The following VAC14 variants were observed in gnomAD, a reference collection of about 807,000 sequenced individuals.
VAC14 encodes the protein VAC14 component of PIKFYVE complex, also known as protein VAC14 homolog.
VAC14 carries 47 observed loss-of-function variants against 85.3 expected under a neutral mutation model. That is an observed-to-expected ratio of 0.55 (90% confidence interval 0.44 to 0.70). The LOEUF is 0.70. Among genes scored for constraint, VAC14 ranks in the 30% least tolerant of loss-of-function variants. The probability of loss-of-function intolerance (pLI) is 0.00; values close to 1 mark genes in which losing one functional copy is unlikely to be tolerated. For synonymous variants in VAC14, 447 were observed against 430.5 expected, an observed-to-expected ratio of 1.04 and a Z score of -0.47; for missense variants, 861 against 1,004.3, an observed-to-expected ratio of 0.86 and a Z score of 1.93.
intron 10 of VAC14, among the ~76,000 whole-genome samples, chr16:70,763,769 G>A (rs1015482426): frequency 6.6e-6 from 1 of 152,222 alleles, no homozygotes; most frequent in Admixed American, 6.5e-5. Flanking sequence ...TGGCTTCTGT[G>A]GACTGAAGTC....
At chr16:70,790,848 A>C (rs2143316284) in intron 1 of VAC14, among the ~76,000 whole-genome samples, 2 of 152,338 alleles carry the variant, frequency 1.3e-5, no homozygotes, top group East Asian at 3.9e-4. Context: ...CCGCCCCTGC[A>C]CTTAAGGGTA....
intron 13 of VAC14, among the ~76,000 whole-genome samples, chr16:70,735,635 A>T (rs560031896): frequency 1.2e-4 from 18 of 152,202 alleles, no homozygotes; most frequent in Non-Finnish European, 1.3e-4. Flanking sequence ...TCTATAAGGG[A>T]TTCCTTACCA....
chr16:70,720,729 A>C (rs1646129565), intron 14 of VAC14, among the ~76,000 whole-genome samples: 1 of 152,242 alleles, frequency 6.6e-6, no homozygotes, highest in South Asian at 2.1e-4. Flanking sequence ...ATCAGGTGGA[A>C]GCAAATGCTC....
At chr16:70,694,115 G>A (rs927753189) in intron 17 of VAC14, among the ~76,000 whole-genome samples, 3 of 152,250 alleles carry the variant, frequency 2.0e-5, no homozygotes, top group Non-Finnish European at 2.9e-5. Flanking sequence ...GGGCTGGGAC[G>A]GTGTTGGGCG....
At chr16:70,761,500 G>C (rs1044029276) in intron 12 of VAC14, among the ~76,000 whole-genome samples, 1 of 152,366 alleles carries the variant, frequency 6.6e-6, no homozygotes, top group South Asian at 2.1e-4. Context: ...CAATGGGCAC[G>C]CGCAGCTGCA....
At chr16:70,737,606 AG>A (rs1202502247) in intron 13 of VAC14, among the ~76,000 whole-genome samples, 18 of 152,178 alleles carry the variant, frequency 1.2e-4, no homozygotes, top group Admixed American at 9.8e-4. Context: ...GCGGCTGGCC[AG>A]GGGCACAGAG....
intron 10 of VAC14, chr16:70,768,669 G>A (rs1294149544): frequency 5.5e-6 from 2 of 361,690 alleles, no homozygotes; most frequent in East Asian, 2.1e-4. Context: ...CTGCTCTCAG[G>A]TTTAGTCAGT....
intron 1 of VAC14, among the ~76,000 whole-genome samples, chr16:70,794,629 C>T (rs2034470072): frequency 6.6e-6 from 1 of 152,218 alleles, no homozygotes; most frequent in Non-Finnish European, 1.5e-5. Context: ...GCCACATCTC[C>T]CAAGTCCGTA....
chr16:70,744,729 G>T, intron 12 of VAC14, 150 bp from the exon 13 acceptor site: 2 of 835,566 alleles, frequency 2.4e-6, no homozygotes, highest in Admixed American at 3.3e-5. Flanking sequence ...TAAGGCCACA[G>T]CTGGGGCATG....
In VAC14 at chr16:70,783,564, G is replaced by A; in HGVS notation, c.595-10C>T. On this transcript the variant is annotated splice_polypyrimidine_tract_variant and intron_variant, in intron 5 of 18. Coordinates refer to ENST00000261776, the MANE Select transcript of VAC14 (RefSeq NM_018052.5). ...ACTCCAGAACCAGGATCTGACCAGG[G>A]GAAGGGAACAGGAGGGGAAGTCAGC... 6.2e-7 allele frequency: 1 copy of A among 1,612,904 alleles called. No homozygotes were observed. Among genetic ancestry groups the A allele is most frequent in the Non-Finnish European group, 8.5e-7 (1 of 1,179,794 alleles).
intron 1 of VAC14, among the ~76,000 whole-genome samples, chr16:70,792,720 G>C (rs1379830200): frequency 1.3e-5 from 2 of 152,192 alleles, no homozygotes; most frequent in African/African-American, 2.4e-5. Flanking sequence ...TGAGCCAAGG[G>C]AGAGCCTGGG....
chr16:70,710,232 C>G (rs2142995296), intron 14 of VAC14, among the ~76,000 whole-genome samples: 1 of 152,360 alleles, frequency 6.6e-6, no homozygotes, highest in Non-Finnish European at 1.5e-5. Context: ...TTCCCATGCT[C>G]TGTGGCATCT....
In VAC14 at chr16:70,780,900, A is replaced by G. The variant is rs760605436; in HGVS notation, c.986T>C (p.Met329Thr). The G allele has an allele frequency of 2.5e-6, 4 of 1,614,120 alleles. No homozygotes were observed. The Admixed American group carries it at 5.0e-5, about 20-fold the overall frequency. Residue 329 changes from methionine (M) to threonine (T), a missense_variant, in exon 9 of 19, where the codon ATG becomes ACG. By Grantham distance (81) the Met-to-Thr change is moderately conservative (BLOSUM62 -1). This residue lies in a region of VAC14 where 629 missense variants were observed against 703.1 expected (regional missense o/e 0.89). Coordinates refer to ENST00000261776, the MANE Select transcript of VAC14 (RefSeq NM_018052.5). ...EVANVCNQSL[M>T]KLVTPEDDEL... ...GTCGTCCTCGGGGGTGACCAGCTTC[A>G]TCAGGCTCTGGTTGCACACGTTGGC...
At chr16:70,730,678 A>G (rs2054565701) in intron 14 of VAC14, among the ~76,000 whole-genome samples, 1 of 146,350 alleles carries the variant, frequency 6.8e-6, no homozygotes, top group Non-Finnish European at 1.5e-5. Flanking sequence ...GCTCACTGCA[A>G]CGTCCACCTC....
At chr16:70,696,868 T>A in intron 16 of VAC14, 1 of 387,810 alleles carries the variant, frequency 2.6e-6, no homozygotes, top group South Asian at 2.4e-5. Flanking sequence ...CCTGCCGGGC[T>A]GGGCCTACTC....
chr16:70,793,260 C>T (rs900264956), intron 1 of VAC14, among the ~76,000 whole-genome samples: 25 of 152,288 alleles, frequency 1.6e-4, no homozygotes, highest in East Asian at 3.9e-4. Flanking sequence ...CTTCTGTGAA[C>T]GCAGGACACA....
intron 7 of VAC14, 45 bp from the exon 8 acceptor site, chr16:70,782,048 C>A: frequency 6.3e-7 from 1 of 1,599,674 alleles, no homozygotes; most frequent in Non-Finnish European, 8.5e-7. Flanking sequence ...CACACGCAGC[C>A]CGAGTGCTCC....
At chr16:70,782,047 C>T (rs779803926) in intron 7 of VAC14, 44 bp from the exon 8 acceptor site, 1 of 1,599,422 alleles carries the variant, frequency 6.3e-7, no homozygotes, top group Admixed American at 1.7e-5. Flanking sequence ...GCACACGCAG[C>T]CCGAGTGCTC....
intron 13 of VAC14, among the ~76,000 whole-genome samples, chr16:70,742,409 C>A (rs1288434191): frequency 2.6e-5 from 4 of 151,944 alleles, no homozygotes; most frequent in Non-Finnish European, 5.9e-5. Context: ...CCCCCACACT[C>A]CACCTCTGGC....
Sources: gnomAD v4.1 joint callset for allele counts (sites outside exome capture counted in the v4.1 genomes callset) on GRCh38, gnomAD v4.1.1 for gene constraint, gnomAD v4.1.1 regional missense constraint, MANE v1.5 for transcripts, NCBI Gene and HGNC (gene_info 2026-07-23, HGNC 2026-07-21) for gene names.